The following SGCE variants were observed in gnomAD, a reference collection of about 807,000 sequenced individuals.
SGCE encodes sarcoglycan epsilon.
SGCE carries 26 observed loss-of-function variants against 57.8 expected under a neutral mutation model. The ratio of observed to expected loss-of-function variants is 0.45; its 90% CI spans 0.33 to 0.62. The LOEUF (loss-of-function observed/expected upper bound fraction) is 0.62. Among genes scored for constraint, SGCE ranks in the 20% least tolerant of loss-of-function variants. The pLI is 0.02. For synonymous variants in SGCE, 183 were observed against 189.5 expected (o/e 0.97, Z 0.28); for missense variants, 468 against 548.6 (o/e 0.85, Z 1.47).
At chr7:94,633,447 G>A (rs1056209373) in intron 1 of SGCE, among the ~76,000 whole-genome samples, 1 of 152,000 alleles carries the variant, frequency 6.6e-6, no homozygotes, top group South Asian at 2.1e-4. Context: ...TCATTATCTC[G>A]CTCTCCCTAA....
chr7:94,644,752 C>G, intron 1 of SGCE: 1 of 512,304 alleles, frequency 2.0e-6, no homozygotes. Context: ...CTTACCATCC[C>G]CATCCAAGTT....
chr7:94,623,915 T>C (rs762909795), intron 3 of SGCE: 3 of 364,090 alleles, frequency 8.2e-6, no homozygotes, highest in Non-Finnish European at 9.7e-6. Flanking sequence ...ACGATGGGAG[T>C]AAAGTAGTAA....
In SGCE at chr7:94,600,709, G is replaced by A. The variant is rs559353446; in HGVS notation, c.974C>T (p.Ser325Leu). 13 of 1,613,812 alleles carry A rather than the reference G, an allele frequency of 8.1e-6. No homozygotes were observed. In the Admixed American group the frequency reaches 8.3e-5, roughly 10 times the overall value. Residue 325 changes from serine to leucine, a missense_variant, in exon 7 of 11, where the codon TCG becomes TTG. Coordinates refer to ENST00000648936, the MANE Select transcript of SGCE (RefSeq NM_003919.3). ...TAGAAAAAGGACCAGTGCCACTGCC[G>A]AGGGCACAGCCAGTGTAATTAGGAA... ...TDFLITLAVP[S>L]AVALVLFLIL... is the part of the protein sequence containing the mutation.
In SGCE at chr7:94,629,314, CT is replaced by C. The variant is rs1437578519; in HGVS notation, c.232+404del. 1.9e-5 allele frequency: 3 copies of C among 160,254 alleles called. No individual in the cohort carries two copies. The East Asian group carries it at 5.2e-4, about 28-fold the overall frequency. 9.9% of individuals were successfully genotyped at this position (160,254 alleles called of 1,614,324 possible). ...ATAAAATTATCTCCTATTGTAAAAG[CT>C]TTTTAAAAGCTCTTACCTAATGCCA... On this transcript the variant is annotated intron_variant, in intron 2 of 10. Coordinates refer to ENST00000648936, the MANE Select transcript of SGCE (RefSeq NM_003919.3).
intron 1 of SGCE, among the ~76,000 whole-genome samples, chr7:94,640,350 C>T (rs1057391282): frequency 2.0e-5 from 3 of 152,044 alleles, no homozygotes; most frequent in Non-Finnish European, 1.5e-5. Flanking sequence ...ATACCATGTC[C>T]CTGGTAACAC....
At chr7:94,607,013 G>A (rs1016090454) in intron 5 of SGCE, among the ~76,000 whole-genome samples, 2 of 151,674 alleles carry the variant, frequency 1.3e-5, no homozygotes, top group African/African-American at 4.8e-5. Flanking sequence ...TAGAAAAGAA[G>A]AGAGATCTAA....
intron 4 of SGCE, chr7:94,620,914 C>T (rs1365193701): frequency 7.9e-5 from 12 of 152,204 alleles, no homozygotes; most frequent in Admixed American, 5.9e-4. Flanking sequence ...TGGGGAAATC[C>T]CATGCCTGCT....
At chr7:94,597,732 G>A (rs1303721228) in intron 9 of SGCE, 1 of 152,270 alleles carries the variant, frequency 6.6e-6, no homozygotes, top group Admixed American at 6.5e-5. Flanking sequence ...AAAAAGGCCG[G>A]GCATGGTGGC....
intron 5 of SGCE, 46 bp from the exon 6 acceptor site, chr7:94,603,498 A>C (rs1372151033): frequency 6.5e-7 from 1 of 1,548,052 alleles, no homozygotes; most frequent in Non-Finnish European, 8.9e-7. Context: ...GAAAATTGAA[A>C]ACACTAAAAA....
intron 5 of SGCE, among the ~76,000 whole-genome samples, chr7:94,609,820 A>G (rs1800725343): frequency 6.6e-6 from 1 of 152,200 alleles, no homozygotes; most frequent in Admixed American, 6.5e-5. Flanking sequence ...ACAAAATAAC[A>G]TACTTTTACC....
intron 1 of SGCE, among the ~76,000 whole-genome samples, chr7:94,648,956 A>G (rs981875884): frequency 6.6e-6 from 1 of 152,252 alleles, no homozygotes; most frequent in Non-Finnish European, 1.5e-5. Flanking sequence ...TGGTGATCAG[A>G]TAAGGAAGTG....
At chr7:94,614,226 T>G (rs982497023) in intron 5 of SGCE, among the ~76,000 whole-genome samples, 1 of 152,042 alleles carries the variant, frequency 6.6e-6, no homozygotes, top group Non-Finnish European at 1.5e-5. Flanking sequence ...TCTAAAAGAA[T>G]TTTTTCATGT....
intron 8 of SGCE, chr7:94,599,196 G>C (rs1798851310): frequency 2.1e-6 from 1 of 466,770 alleles, no homozygotes; most frequent in Non-Finnish European, 3.8e-6. Flanking sequence ...ATTAAACTAA[G>C]CTATGAAGCA....
intron 6 of SGCE, among the ~76,000 whole-genome samples, 173 bp from the exon 7 acceptor site, chr7:94,601,030 A>G (rs1010341132): frequency 6.6e-6 from 1 of 152,172 alleles, no homozygotes; most frequent in Non-Finnish European, 1.5e-5. Flanking sequence ...GGAATGTAAC[A>G]AATGAAAGTA....
chr7:94,599,743 T>C lies in SGCE; in HGVS notation c.1038-20A>G, dbSNP rs768473363. The C allele has an allele frequency of 1.3e-6, 2 of 1,524,208 alleles. No homozygotes were observed. The highest frequency in any genetic ancestry group is 4.5e-5 in the East Asian group (2 of 44,400). The allele number at this position is 1,524,208 out of a possible 1,614,324, so 94.4% of individuals were successfully genotyped here. A position where few individuals can be genotyped will look rare whatever the true frequency, so the allele number is the denominator to read the frequency against. On this transcript the variant is annotated intron_variant, in intron 7 of 10. Coordinates refer to ENST00000648936, the MANE Select transcript of SGCE (RefSeq NM_003919.3). ...TTTTCCCTAGAAACAAAACAAAATTTATGAATTAAATAATAGCATTGATAT... is the reference window on the plus strand; with the variant it reads ...TTTTCCCTAGAAACAAAACAAAATTCATGAATTAAATAATAGCATTGATAT...
chr7:94,618,180 A>G (rs1457007417), intron 5 of SGCE: 1 of 152,708 alleles, frequency 6.5e-6, no homozygotes, highest in Non-Finnish European at 1.5e-5. Flanking sequence ...CTTAATCATT[A>G]TAACAACTCT....
rs78917746 is a variant in SGCE, at chr7:94,640,009, A to G, written c.110-10168T>C. Among the ~76,000 whole-genome samples, 1,371 of 152,282 alleles carry G rather than the reference A, an allele frequency of 9.0e-3. 19 individuals carry two copies. Among genetic ancestry groups the G allele is most frequent in the African/African-American group, 0.031 (1,297 of 41,546 alleles). On this transcript the variant is annotated intron_variant, in intron 1 of 10. Coordinates refer to ENST00000648936, the MANE Select transcript of SGCE (RefSeq NM_003919.3). ...AATTACAAGACACCTTGTAATGGAG[A>G]TAATACTGACATGGAGATAATGGAG...
chr7:94,648,445 A>C (rs1437951760), intron 1 of SGCE, among the ~76,000 whole-genome samples: 1 of 148,754 alleles, frequency 6.7e-6, no homozygotes. Context: ...TAGTTTTCTT[A>C]TTATGATTAT....
At chr7:94,652,141 T>C (rs534307652) in intron 1 of SGCE, among the ~76,000 whole-genome samples, 1 of 152,132 alleles carries the variant, frequency 6.6e-6, no homozygotes, top group Non-Finnish European at 1.5e-5. Flanking sequence ...AGCCATCATA[T>C]TGATATTTCT....
Sources: gnomAD v4.1 joint callset for allele counts (sites outside exome capture counted in the v4.1 genomes callset) on GRCh38, gnomAD v4.1.1 for gene constraint, MANE v1.5 for transcripts, NCBI Gene and HGNC (gene_info 2026-07-23, HGNC 2026-07-21) for gene names.